KCNJ16: variants seen among roughly 807,000 people sequenced by gnomAD.
KCNJ16 encodes the protein potassium inwardly rectifying channel subfamily J member 16.
In KCNJ16, 15 loss-of-function variants were observed where a neutral mutation model predicts 18.5. The ratio of observed to expected loss-of-function variants is 0.81; its 90% CI spans 0.54 to 1.25. KCNJ16 has a LOEUF of 1.25. Ranked by LOEUF, KCNJ16 falls within the 50% of genes most tolerant of loss-of-function variation. The pLI is 0.00. For synonymous variants in KCNJ16, 174 were observed against 186.5 expected (o/e 0.93, Z 0.55); for missense variants, 523 against 525.7 (o/e 0.99, Z 0.05).
intron 2 of KCNJ16, among the ~76,000 whole-genome samples, chr17:70,114,959 G>A (rs1186646113): frequency 2.6e-5 from 4 of 152,136 alleles, no homozygotes; most frequent in Admixed American, 2.6e-4. Context: ...TAGAAACACA[G>A]CTTCTTTTTA....
intron 1 of KCNJ16, among the ~76,000 whole-genome samples, chr17:70,090,948 T>A (rs954984281): frequency 2.6e-5 from 4 of 152,192 alleles, no homozygotes; most frequent in Non-Finnish European, 5.9e-5. Flanking sequence ...GGTGAATGTT[T>A]TCCCAGTTTT....
Position 70,133,212 on chromosome 17 carries a change from T to C in KCNJ16, c.1125T>C (p.Ser375=), listed in dbSNP as rs1391456488. The part of the protein sequence containing the change: ...SDTKARRRSF[S]AVAIVSSCEN... ...CCAAGGCGAGACGAAGGTCATTTAG[T>C]GCAGTTGCCATTGTCAGCAGCTGTG... is the stretch of plus-strand genomic sequence containing the variant. Residue 375 remains serine, a synonymous_variant, in exon 4 of 4, where the codon AGT becomes AGC. Transcript: ENST00000392671. 6.2e-7 allele frequency: 1 copy of C among 1,614,072 alleles called. No homozygotes were observed. Among genetic ancestry groups the C allele is most frequent in the Admixed American group, 1.7e-5 (1 of 60,000 alleles).
intron 1 of KCNJ16, among the ~76,000 whole-genome samples, chr17:70,080,429 A>C (rs1404452020): frequency 1.3e-5 from 2 of 152,186 alleles, no homozygotes; most frequent in Non-Finnish European, 2.9e-5. Context: ...CCAACAATAA[A>C]TATATTTTTA....
At chr17:70,100,548 A>G (rs185974588) in intron 1 of KCNJ16, 110 bp from the exon 2 acceptor site, 1 of 152,304 alleles carries the variant, frequency 6.6e-6, no homozygotes, top group Admixed American at 6.5e-5. Context: ...GACTTAACAA[A>G]CACTTAGATG....
chr17:70,085,355 A>G (rs1687160171), intron 1 of KCNJ16, among the ~76,000 whole-genome samples: 1 of 152,218 alleles, frequency 6.6e-6, no homozygotes, highest in Non-Finnish European at 1.5e-5. Flanking sequence ...CTTTATTTTT[A>G]TGATAAGGAA....
At position 70,080,225 on chromosome 17, in the gene KCNJ16, A is replaced by G. The variant is rs141431454; in HGVS notation, c.-300+4835A>G. 3.4e-3 allele frequency among the ~76,000 whole-genome samples: 514 copies of G among 152,288 alleles called. 2 individuals carry two copies. Among genetic ancestry groups the G allele is most frequent in the Non-Finnish European group, 5.8e-3 (397 of 68,022 alleles). ...TGTTTTCATGTAGTTCATATGTATG[A>G]GTCCTACCTCTGAATAACTGTGTTT... is the stretch of plus-strand genomic sequence containing the variant. On this transcript the variant is annotated intron_variant, in intron 1 of 3. Coordinates refer to ENST00000392671, the MANE Select transcript of KCNJ16 (RefSeq NM_170741.4).
chr17:70,084,148 T>C (rs75486264), intron 1 of KCNJ16, among the ~76,000 whole-genome samples: 3,599 of 152,278 alleles, frequency 0.024, 133 homozygotes, highest in African/African-American at 0.082. Flanking sequence ...CAGTGACTTG[T>C]TGTGGAAAGA....
At chr17:70,112,149 G>A (rs763429204) in intron 2 of KCNJ16, among the ~76,000 whole-genome samples, 3 of 152,196 alleles carry the variant, frequency 2.0e-5, no homozygotes, top group Non-Finnish European at 2.9e-5. Context: ...CGAGAACCAA[G>A]TATGAGTCCT....
intron 2 of KCNJ16, among the ~76,000 whole-genome samples, chr17:70,121,184 A>T (rs556869599): frequency 6.6e-6 from 1 of 152,230 alleles, no homozygotes; most frequent in East Asian, 1.9e-4. Context: ...TTTTTGGAGG[A>T]TCTGTCCCTA....
At position 70,133,471 on chromosome 17, in the gene KCNJ16, A is replaced by G. The variant is rs539870879; in HGVS notation, c.*127A>G. ...TATGATGATGCTGGGTAAGTAGAGT[A>G]AGTTAAACTTGGTAAAAGATAATCT... is the stretch of plus-strand genomic sequence containing the variant. On this transcript the variant is annotated 3_prime_UTR_variant, in exon 4 of 4. Transcript: ENST00000392671. The G allele has an allele frequency of 1.2e-5, 9 of 722,004 alleles. No homozygotes were observed. Among genetic ancestry groups the G allele is most frequent in the Non-Finnish European group, 2.0e-5 (9 of 448,736 alleles). 44.7% of individuals were successfully genotyped at this position (722,004 alleles called of 1,614,324 possible). A position where few individuals can be genotyped will look rare whatever the true frequency, so the allele number is the denominator to read the frequency against.
At chr17:70,127,411 G>T (rs192002785) in intron 2 of KCNJ16, among the ~76,000 whole-genome samples, 1 of 151,826 alleles carries the variant, frequency 6.6e-6, no homozygotes, top group African/African-American at 2.4e-5. Flanking sequence ...AGGATTCCAG[G>T]CCTCAGGCTC....
At chr17:70,104,576 A>T (rs1831918309) in intron 2 of KCNJ16, among the ~76,000 whole-genome samples, 1 of 152,248 alleles carries the variant, frequency 6.6e-6, no homozygotes, top group East Asian at 1.9e-4. Context: ...CACACTTGGA[A>T]GAGGTTGTAC....
intron 2 of KCNJ16, among the ~76,000 whole-genome samples, chr17:70,114,908 G>A (rs964552980): frequency 2.6e-5 from 4 of 152,118 alleles, no homozygotes; most frequent in Admixed American, 2.6e-4. Flanking sequence ...CATGCACTGT[G>A]ATTAAAAACT....
chr17:70,102,578 A>G (rs143465150), intron 2 of KCNJ16, among the ~76,000 whole-genome samples: 160 of 152,276 alleles, frequency 1.1e-3, no homozygotes, highest in African/African-American at 3.6e-3. Flanking sequence ...CAGGACATTT[A>G]CTTAACTAAA....
At chr17:70,087,622 G>A (rs530989190) in intron 1 of KCNJ16, among the ~76,000 whole-genome samples, 1 of 152,026 alleles carries the variant, frequency 6.6e-6, no homozygotes, top group African/African-American at 2.4e-5. Flanking sequence ...CAGGAGAATC[G>A]CTTGAACCCG....
Position 70,087,065 on chromosome 17 carries a change from CT to C in KCNJ16, c.-300+11689del, listed in dbSNP as rs142092333. Among the ~76,000 whole-genome samples the C allele has an allele frequency of 6.1e-3, 863 of 140,916 alleles. 7 individuals carry two copies. The highest frequency in any genetic ancestry group is 0.021 in the African/African-American group (793 of 38,188). 92.4% of individuals were successfully genotyped at this position (140,916 alleles called of 152,430 possible). A position where few individuals can be genotyped will look rare whatever the true frequency, so the allele number is the denominator to read the frequency against. ...AGGCACCTGCCACCACACCTAGCTA[CT>C]TTTTTTTTTTTTTGTATTTTTAGTA... On this transcript the variant is annotated intron_variant, in intron 1 of 3. Coordinates refer to ENST00000392671, the MANE Select transcript of KCNJ16 (RefSeq NM_170741.4).
At chr17:70,106,212 CA>C (rs1390037076) in intron 2 of KCNJ16, among the ~76,000 whole-genome samples, 1 of 151,924 alleles carries the variant, frequency 6.6e-6, no homozygotes, top group Non-Finnish European at 1.5e-5. Flanking sequence ...AAATATGGCT[CA>C]AAATTATTTT....
chr17:70,130,460 A>G (rs2074017109), intron 2 of KCNJ16, among the ~76,000 whole-genome samples: 1 of 152,222 alleles, frequency 6.6e-6, no homozygotes, highest in Admixed American at 6.5e-5. Flanking sequence ...GATAGAGGAC[A>G]GAGATAAACC....
At chr17:70,128,885 G>A (rs192428958) in intron 2 of KCNJ16, 15 of 152,414 alleles carry the variant, frequency 9.8e-5, no homozygotes, top group Admixed American at 8.5e-4. Context: ...AGCACCAAAT[G>A]AGTATGCGGC....
Sources: allele counts gnomAD v4.1 joint callset (sites outside exome capture counted in the v4.1 genomes callset), GRCh38; gene constraint gnomAD v4.1.1; transcripts MANE v1.5; gene names NCBI Gene and HGNC (gene_info 2026-07-23, HGNC 2026-07-21).